The following KIAA0930 variants were observed in gnomAD, a reference collection of about 807,000 sequenced individuals.
The protein encoded by KIAA0930 is KIAA0930.
In KIAA0930, 24 loss-of-function variants were observed where a neutral mutation model predicts 43.9. The ratio of observed to expected loss-of-function variants is 0.55; its 90% confidence interval spans 0.40 to 0.77. The LOEUF (loss-of-function observed/expected upper bound fraction) is 0.77, where lower values mean the gene tolerates loss of function less well. Among genes scored for constraint, KIAA0930 ranks in the 30% least tolerant of loss-of-function variants. The pLI is 0.00. For missense variants in KIAA0930, 461 were observed against 574.2 expected, an observed-to-expected ratio of 0.80 and a Z score of 2.02; for synonymous variants, 259 against 216.4, an observed-to-expected ratio of 1.20 and a Z score of -1.73.
chr22:45,233,181 GGAAC>G (rs1202354149), intron 1 of KIAA0930, among the ~76,000 whole-genome samples: 2 of 152,064 alleles, frequency 1.3e-5, no homozygotes, highest in Non-Finnish European at 2.9e-5. Flanking sequence ...CCAGACAGAG[GGAAC>G]GAATGAATTA....
In KIAA0930 at chr22:45,228,773, A is replaced by AACCACCAAACAC. The variant is rs1491236024; in HGVS notation, c.64+11866_64+11867insGTGTTTGGTGGT. Among the ~76,000 whole-genome samples, 13 of 23,650 alleles carry AACCACCAAACAC rather than the reference A, an allele frequency of 5.5e-4. 3 individuals carry two copies. Among genetic ancestry groups the AACCACCAAACAC allele is most frequent in the South Asian group, 3.3e-3 (2 of 606 alleles). The allele number at this position is 23,650 out of a possible 152,430, so 15.5% of individuals were successfully genotyped here. A position where few individuals can be genotyped will look rare whatever the true frequency, so the allele number is the denominator to read the frequency against. On this transcript the variant is annotated intron_variant, in intron 1 of 9. Transcript: ENST00000336156. The stretch of plus-strand genomic sequence containing the variant: ...CCACTCACCCGAAAGATCCCTCCCC[A>AACCACCAAACAC]TCCCCCCCAACCACCAAACACTCAC...
intron 1 of KIAA0930, among the ~76,000 whole-genome samples, chr22:45,216,104 G>A (rs117401203): frequency 1.3e-4 from 20 of 152,288 alleles, no homozygotes; most frequent in Non-Finnish European, 2.2e-4. Flanking sequence ...AGGAAGGGAG[G>A]CAAACACAGA....
rs2147726090 is a variant in KIAA0930, at chr22:45,192,330, A to C, written c.*4846T>G. On this transcript the variant is annotated 3_prime_UTR_variant, in exon 10 of 10. Coordinates refer to ENST00000336156, the MANE Select transcript of KIAA0930 (RefSeq NM_001009880.2). ...ATAAAGCAAAGCTAACAGCCAACCA[A>C]CAAATACCGCCTAGCAATGATTTCC... The C allele has an allele frequency of 6.6e-6, 1 of 152,346 alleles. No individual in the cohort carries two copies. Among genetic ancestry groups the C allele is most frequent in the Non-Finnish European group, 1.5e-5 (1 of 68,036 alleles). The allele number at this position is 152,346 out of a possible 1,614,324, so 9.4% of individuals were successfully genotyped here.
At chr22:45,218,154 T>C (rs1202049842) in intron 1 of KIAA0930, among the ~76,000 whole-genome samples, 19 of 151,502 alleles carry the variant, frequency 1.3e-4, no homozygotes, top group Admixed American at 1.2e-3. Flanking sequence ...CTACAGTGTG[T>C]TTATTTATTC....
chr22:45,205,834 C>G lies in KIAA0930; in HGVS notation c.295G>C (p.Asp99His), dbSNP rs202199648. The G allele has an allele frequency of 3.7e-6, 6 of 1,609,320 alleles. No individual in the cohort carries two copies. Among genetic ancestry groups the G allele is most frequent in the Non-Finnish European group, 4.2e-6 (5 of 1,178,586 alleles). The change falls in exon 3 of 10, where the codon GAC (aspartate) becomes CAC (histidine). Residue 99 changes from aspartate (D) to histidine (H), a missense_variant. Transcript: ENST00000336156. ...KLPGLGDPDI[D>H]WEESVCLNLI... ...TTCAGGCAGACGCTCTCCTCCCAGT[C>G]GATGTCAGGGTCTCCCAGGCCTGGC...
At chr22:45,217,677 T>G (rs992592423) in intron 1 of KIAA0930, among the ~76,000 whole-genome samples, 1 of 152,054 alleles carries the variant, frequency 6.6e-6, no homozygotes, top group African/African-American at 2.4e-5. Flanking sequence ...CTGTGTCAGG[T>G]AAGGAATTTT....
intron 2 of KIAA0930, among the ~76,000 whole-genome samples, chr22:45,209,973 C>T (rs955303558): frequency 6.6e-6 from 1 of 152,194 alleles, no homozygotes; most frequent in Non-Finnish European, 1.5e-5. Flanking sequence ...TTAACTTCTG[C>T]TCCACCCAAG....
intron 1 of KIAA0930, among the ~76,000 whole-genome samples, chr22:45,225,892 C>T (rs183074757): frequency 6.6e-6 from 1 of 152,222 alleles, no homozygotes; most frequent in South Asian, 2.1e-4. Context: ...GCTCAAGGCC[C>T]GAGCGCCTGG....
chr22:45,240,757 CG>C lies in KIAA0930; in HGVS notation c.-55del, dbSNP rs2083911950. ...GCGCCGCCCGCAGGCTCGGGGGCGG[CG>C]GCGGCGGGGAGGGCGGGCGGCCCGG... On this transcript the variant is annotated 5_prime_UTR_variant, in exon 1 of 10. Coordinates refer to ENST00000336156, the MANE Select transcript of KIAA0930 (RefSeq NM_001009880.2). 3 of 972,110 alleles carry C rather than the reference CG, an allele frequency of 3.1e-6. No individual in the cohort carries two copies. Among genetic ancestry groups the C allele is most frequent in the South Asian group, 4.8e-5 (1 of 20,856 alleles). The allele number at this position is 972,110 out of a possible 1,614,324, so 60.2% of individuals were successfully genotyped here.
chr22:45,222,457 ACG>A (rs2147757099), intron 1 of KIAA0930, among the ~76,000 whole-genome samples: 1 of 152,078 alleles, frequency 6.6e-6, no homozygotes, highest in South Asian at 2.1e-4. Context: ...CTATAGGCGC[ACG>A]CCACCACACC....
rs764724685 is a variant in KIAA0930 at position 45,203,006 on chromosome 22, G to A, written c.836C>T (p.Ser279Leu). 21 of 1,609,598 alleles carry A rather than the reference G, an allele frequency of 1.3e-5. No individual in the cohort carries two copies. The highest frequency in any genetic ancestry group is 2.7e-5 in the African/African-American group (2 of 74,826). The change falls in exon 7 of 10, where the codon TCG becomes TTG. Residue 279 changes from serine to leucine, a missense_variant. Physicochemically the swap from Ser to Leu is moderately radical, Grantham distance 145 (BLOSUM62 -2). Coordinates refer to ENST00000336156, the MANE Select transcript of KIAA0930 (RefSeq NM_001009880.2). ...CGTEEDSSPASPMHERVTSFS... is the reference protein window; with the variant it reads ...CGTEEDSSPALPMHERVTSFS... ...AGCCCTTACCCGCTCGTGCATGGGCGAAGCTGGGCTGGAGTCCTCTTCAGT... is the reference window on the plus strand; with the variant it reads ...AGCCCTTACCCGCTCGTGCATGGGCAAAGCTGGGCTGGAGTCCTCTTCAGT...
intron 7 of KIAA0930, chr22:45,202,673 TCAG>T (rs577624076): frequency 6.1e-4 from 157 of 255,290 alleles, no homozygotes; most frequent in African/African-American, 3.3e-3. Context: ...CTCTGTGGAC[TCAG>T]CCTGGCTTTG....
At chr22:45,209,446 C>T (rs1050867112) in intron 2 of KIAA0930, among the ~76,000 whole-genome samples, 1 of 152,196 alleles carries the variant, frequency 6.6e-6, no homozygotes, top group African/African-American at 2.4e-5. Flanking sequence ...ACCCACCAGG[C>T]CCCGCAATCT....
rs374844349 is a variant in KIAA0930 at position 45,192,309 on chromosome 22, A to C, written c.*4867T>G. On this transcript the variant is annotated 3_prime_UTR_variant, in exon 10 of 10. Coordinates refer to ENST00000336156, the MANE Select transcript of KIAA0930 (RefSeq NM_001009880.2). ...CTTTAAAAGAAACATGAAATCATAA[A>C]GCAAAGCTAACAGCCAACCAACAAA... is the stretch of plus-strand genomic sequence containing the variant. 1 of 152,260 alleles carries C rather than the reference A, an allele frequency of 6.6e-6. No homozygotes were observed. Among genetic ancestry groups the C allele is most frequent in the African/African-American group, 2.4e-5 (1 of 41,458 alleles). 9.4% of individuals were successfully genotyped at this position (152,260 alleles called of 1,614,324 possible). A position where few individuals can be genotyped will look rare whatever the true frequency, so the allele number is the denominator to read the frequency against.
chr22:45,227,671 C>A (rs2083810714), intron 1 of KIAA0930, among the ~76,000 whole-genome samples: 1 of 152,198 alleles, frequency 6.6e-6, no homozygotes, highest in Admixed American at 6.5e-5. Flanking sequence ...GAAATGAAGT[C>A]CCCTCCGTAA....
rs910399249 is a variant in KIAA0930, at chr22:45,192,541, C to A, written c.*4635G>T. 6.6e-6 allele frequency: 1 copy of A among 152,226 alleles called. No homozygotes were observed. Among genetic ancestry groups the A allele is most frequent in the Non-Finnish European group, 1.5e-5 (1 of 68,044 alleles). The allele number at this position is 152,226 out of a possible 1,614,324, so 9.4% of individuals were successfully genotyped here. A position where few individuals can be genotyped will look rare whatever the true frequency, so the allele number is the denominator to read the frequency against. ...TTTCTTACAGATTTAATTACTCTCA[C>A]ACAAATAATTCATTTGGAAACCATA... is the stretch of plus-strand genomic sequence containing the variant. On this transcript the variant is annotated 3_prime_UTR_variant, in exon 10 of 10. Transcript: ENST00000336156.
At chr22:45,240,098 C>T (rs941439573) in intron 1 of KIAA0930, among the ~76,000 whole-genome samples, 2 of 152,004 alleles carry the variant, frequency 1.3e-5, no homozygotes, top group African/African-American at 4.8e-5. Context: ...GGCCATTGCC[C>T]AACAGGTCCC....
At chr22:45,230,028 G>A (rs143589403) in intron 1 of KIAA0930, among the ~76,000 whole-genome samples, 5,529 of 152,302 alleles carry the variant, frequency 0.036, 136 homozygotes, top group Non-Finnish European at 0.053. Context: ...CCCAGGGGGC[G>A]GAGGGCGCAG....
At chr22:45,233,186 G>T (rs971960337) in intron 1 of KIAA0930, among the ~76,000 whole-genome samples, 5 of 152,096 alleles carry the variant, frequency 3.3e-5, no homozygotes, top group Admixed American at 6.5e-5. Context: ...CAGAGGGAAC[G>T]AATGAATTAC....
Sources: gnomAD v4.1 joint callset for allele counts (sites outside exome capture counted in the v4.1 genomes callset) on GRCh38, gnomAD v4.1.1 for gene constraint, MANE v1.5 for transcripts, NCBI Gene and HGNC (gene_info 2026-07-23, HGNC 2026-07-21) for gene names.